SORL1: variants seen among roughly 807,000 people sequenced by gnomAD.
SORL1 encodes the protein sortilin related receptor 1.
In SORL1, 127 loss-of-function variants were observed where a neutral mutation model predicts 273.7. The ratio of observed to expected loss-of-function variants is 0.46; its 90% CI spans 0.40 to 0.54. SORL1 has a LOEUF of 0.54. Among genes scored for constraint, SORL1 ranks in the 20% least tolerant of loss-of-function variants. The probability of loss-of-function intolerance (pLI) is 0.00; values close to 1 mark genes in which losing one functional copy is unlikely to be tolerated. For missense variants in SORL1, 2,494 were observed against 2,846.1 expected, an observed-to-expected ratio of 0.88 and a Z score of 2.81; for synonymous variants, 1,031 against 1,067.4, an observed-to-expected ratio of 0.97 and a Z score of 0.66.
At chr11:121,605,957 T>G (rs962563164) in intron 35 of SORL1, among the ~76,000 whole-genome samples, 1 of 152,180 alleles carries the variant, frequency 6.6e-6, no homozygotes, top group Non-Finnish European at 1.5e-5. Context: ...GGTCTCACTC[T>G]GACACCCACA....
chr11:121,558,649 G>A lies in SORL1; in HGVS notation c.2722G>A (p.Asp908Asn). 1 of 1,614,114 alleles carries A rather than the reference G, an allele frequency of 6.2e-7. No homozygotes were observed. ...LKPGIYRSNM[D>N]GSAAYHLVSE... Reference sequence around the variant, plus strand: ...GCCTGGGATTTATCGGAGCAATATGGATGGTTCTGCTGCCTATCACCTGGT... The same window carrying A: ...GCCTGGGATTTATCGGAGCAATATGAATGGTTCTGCTGCCTATCACCTGGT... Residue 908 changes from aspartate (D) to asparagine (N), a missense_variant, in exon 20 of 48, where the codon GAT becomes AAT. Asp to Asn is a conservative substitution (Grantham distance 23). Coordinates refer to ENST00000260197, the MANE Select transcript of SORL1 (RefSeq NM_003105.6).
In SORL1 at chr11:121,576,956, C is replaced by T. The variant is rs1379124290; in HGVS notation, c.3461-325C>T. 3.0e-5 allele frequency: 45 copies of T among 1,524,572 alleles called. No individual in the cohort carries two copies. In the East Asian group the frequency reaches 1.0e-3, roughly 35 times the overall value. The allele number at this position is 1,524,572 out of a possible 1,614,324, so 94.4% of individuals were successfully genotyped here. ...GGCCTCCTCTATCACTGCTTCCTAACCTTCTTCCCATCATAGCAAGCATAG... is the reference window on the plus strand; with the variant it reads ...GGCCTCCTCTATCACTGCTTCCTAATCTTCTTCCCATCATAGCAAGCATAG... On this transcript the variant is annotated intron_variant, in intron 24 of 47. Coordinates refer to ENST00000260197, the MANE Select transcript of SORL1 (RefSeq NM_003105.6).
intron 1 of SORL1, among the ~76,000 whole-genome samples, chr11:121,467,214 A>G (rs1454634059): frequency 1.3e-5 from 2 of 151,990 alleles, no homozygotes; most frequent in African/African-American, 4.8e-5. Context: ...TATTTTTAGT[A>G]GAGACCGGGT....
Position 121,452,571 on chromosome 11 carries a change from A to G in SORL1, c.240A>G (p.Lys80=), listed in dbSNP as rs1860820251. The G allele has an allele frequency of 1.3e-6, 2 of 1,520,780 alleles. No individual in the cohort carries two copies. The highest frequency in any genetic ancestry group is 1.8e-6 in the Non-Finnish European group (2 of 1,142,156). 94.2% of individuals were successfully genotyped at this position (1,520,780 alleles called of 1,614,324 possible). The part of the protein sequence containing the change: ...SRADEKPLRR[K]RSAALQPEPI... ...CGGACGAGAAGCCGCTCCGGAGGAA[A>G]CGGAGCGCTGCCCTGCAGCCCGAGC... The change falls in exon 1 of 48, where the codon AAA becomes AAG. Residue 80 remains lysine, a synonymous_variant. Coordinates refer to ENST00000260197, the MANE Select transcript of SORL1 (RefSeq NM_003105.6). The surrounding 1 kb of genome is among the most constrained non-coding windows in gnomAD (Gnocchi z 5.3).
At chr11:121,574,711 C>G (rs1161979286) in intron 24 of SORL1, among the ~76,000 whole-genome samples, 2 of 152,156 alleles carry the variant, frequency 1.3e-5, no homozygotes, top group African/African-American at 4.8e-5. Context: ...AAAGATGGAG[C>G]CTGGACTCAG....
chr11:121,480,496 C>T (rs944174132), intron 3 of SORL1, among the ~76,000 whole-genome samples: 12 of 152,154 alleles, frequency 7.9e-5, no homozygotes, highest in African/African-American at 2.7e-4. Flanking sequence ...GTTGTGGCCT[C>T]GAAAATGCCT....
In SORL1 at chr11:121,478,228, T is replaced by C; in HGVS notation, c.513T>C (p.Pro171=). 6.2e-7 allele frequency: 1 copy of C among 1,614,084 alleles called. No homozygotes were observed. Among genetic ancestry groups the C allele is most frequent in the Non-Finnish European group, 8.5e-7 (1 of 1,180,014 alleles). ...EAVIAQFYHS[P]ADNKRYIFAD... ...TTATCGCCCAGTTCTACCACAGCCC[T>C]GCGGACAACAAGCGGGTAAGGAAGT... Residue 171 remains proline (P), a synonymous_variant, in exon 3 of 48, where the codon CCT becomes CCC. Coordinates refer to ENST00000260197, the MANE Select transcript of SORL1 (RefSeq NM_003105.6).
At position 121,563,427 on chromosome 11, in the gene SORL1, G is replaced by A. The variant is rs1032855477; in HGVS notation, c.3050-3513G>A. 9.9e-5 allele frequency among the ~76,000 whole-genome samples: 15 copies of A among 152,054 alleles called. 1 individual carries two copies. The highest frequency in any genetic ancestry group is 1.8e-4 in the Non-Finnish European group (12 of 68,004). ...TTTAGTTTTTTGGAGACAGAGTCTC[G>A]TTCTGTTACCCCGGCTGGAGTGCAG... On this transcript the variant is annotated intron_variant, in intron 21 of 47. Coordinates refer to ENST00000260197, the MANE Select transcript of SORL1 (RefSeq NM_003105.6). The surrounding 1 kb of genome is among the most constrained non-coding windows in gnomAD (Gnocchi z 4.2).
intron 2 of SORL1, among the ~76,000 whole-genome samples, chr11:121,477,517 T>C (rs1861291920): frequency 6.6e-6 from 1 of 152,228 alleles, no homozygotes; most frequent in Non-Finnish European, 1.5e-5. Flanking sequence ...TTTCTATCAT[T>C]TGTCTCCTGC....
intron 23 of SORL1, among the ~76,000 whole-genome samples, chr11:121,573,763 T>A (rs1034368001): frequency 3.3e-5 from 5 of 152,310 alleles, no homozygotes; most frequent in African/African-American, 1.2e-4. Context: ...TGGTACCCAG[T>A]CTTGACTGAC....
At chr11:121,577,083 C>G (rs1425995760) in intron 24 of SORL1, 198 bp from the exon 25 acceptor site, 2 of 1,110,442 alleles carry the variant, frequency 1.8e-6, no homozygotes, top group East Asian at 2.6e-5. Flanking sequence ...CTCAGCCCAC[C>G]TGTAACCCAT....
chr11:121,487,802 C>T (rs1861496501), intron 3 of SORL1, among the ~76,000 whole-genome samples: 1 of 152,204 alleles, frequency 6.6e-6, no homozygotes, highest in African/African-American at 2.4e-5. Flanking sequence ...TCATCCCGGT[C>T]CATCTCCAGG....
chr11:121,468,753 C>G (rs1565302320), intron 1 of SORL1, among the ~76,000 whole-genome samples: 1 of 152,160 alleles, frequency 6.6e-6, no homozygotes, highest in Admixed American at 6.5e-5. Flanking sequence ...CCTGTCATGA[C>G]TTTGCTTTCC....
At chr11:121,609,191 G>A (rs528262261) in intron 38 of SORL1, 3 of 152,316 alleles carry the variant, frequency 2.0e-5, no homozygotes, top group Admixed American at 2.0e-4. Context: ...AGGACTGGAA[G>A]ATTTTACTTT....
chr11:121,585,763 C>T (rs1392165802), intron 26 of SORL1, among the ~76,000 whole-genome samples: 1 of 151,898 alleles, frequency 6.6e-6, no homozygotes, highest in Non-Finnish European at 1.5e-5. Flanking sequence ...TGTTTTGCAC[C>T]TTGTTTTTTT....
intron 12 of SORL1, among the ~76,000 whole-genome samples, chr11:121,534,360 C>T (rs1199828723): frequency 6.6e-6 from 1 of 152,198 alleles, no homozygotes; most frequent in Non-Finnish European, 1.5e-5. Flanking sequence ...CAGCGTCATT[C>T]TGCACGAGCT....
rs1863556067 is a variant in SORL1 at position 121,611,077 on chromosome 11, G to A, written c.5241G>A (p.Val1747=). The A allele has an allele frequency of 1.2e-6, 2 of 1,610,638 alleles. No homozygotes were observed. Among genetic ancestry groups the A allele is most frequent in the East Asian group, 2.2e-5 (1 of 44,842 alleles). Residue 1747 remains valine, a splice_region_variant and synonymous_variant, in exon 39 of 48, where the codon GTG becomes GTA. Coordinates refer to ENST00000260197, the MANE Select transcript of SORL1 (RefSeq NM_003105.6). ...SKSITTIKGK[V]IPPPDIHIDS... ...TTTTGAATTCCTTTTTGTTTTCAGT[G>A]ATCCCACCACCAGATATCCACATTG...
intron 6 of SORL1, among the ~76,000 whole-genome samples, chr11:121,502,054 G>A (rs534742914): frequency 1.3e-5 from 2 of 149,700 alleles, no homozygotes; most frequent in East Asian, 4.0e-4. Flanking sequence ...GTGCACGTTT[G>A]TGTGTGAACT....
intron 5 of SORL1, among the ~76,000 whole-genome samples, chr11:121,493,756 A>C (rs1403232025): frequency 1.3e-5 from 2 of 152,210 alleles, no homozygotes; most frequent in Non-Finnish European, 2.9e-5. Flanking sequence ...TGGTCCCAGA[A>C]GATGTAGATA....
Sources: gnomAD v4.1 joint callset for allele counts (sites outside exome capture counted in the v4.1 genomes callset) on GRCh38, gnomAD v4.1.1 for gene constraint, Gnocchi (gnomAD v3.1) non-coding constraint, MANE v1.5 for transcripts, NCBI Gene and HGNC (gene_info 2026-07-23, HGNC 2026-07-21) for gene names.